Variants in ZNF850 observed in about 807,000 individuals in gnomAD.
The protein encoded by ZNF850 is zinc finger protein 850.
ZNF850 carries 2 observed loss-of-function variants against 11.9 expected under a neutral mutation model. The observed-to-expected ratio is 0.17, with a 90% CI of 0.07 to 0.53. ZNF850 has a LOEUF of 0.53. Ranked by LOEUF, ZNF850 falls within the 20% of genes least tolerant of loss-of-function variation. The probability of loss-of-function intolerance (pLI) is 0.94; values close to 1 mark genes in which losing one functional copy is unlikely to be tolerated. For missense variants in ZNF850, 1,014 were observed against 1,316.4 expected, an observed-to-expected ratio of 0.77 and a Z score of 3.55; for synonymous variants, 381 against 443.0, an observed-to-expected ratio of 0.86 and a Z score of 1.76.
intron 4 of ZNF850, among the ~76,000 whole-genome samples, chr19:36,758,722 G>C (rs1223633691): frequency 6.6e-6 from 1 of 152,142 alleles, no homozygotes; most frequent in Non-Finnish European, 1.5e-5. Flanking sequence ...TGTCTGAACT[G>C]AGTTGGATGA....
At chr19:36,755,687 C>T (rs2040481594) in intron 4 of ZNF850, among the ~76,000 whole-genome samples, 3 of 146,512 alleles carry the variant, frequency 2.0e-5, no homozygotes, top group Admixed American at 6.9e-5. Context: ...GAGAGCACTT[C>T]GCAATAAAAA....
At chr19:36,759,797 T>C (rs1256875841) in intron 4 of ZNF850, among the ~76,000 whole-genome samples, 1 of 152,206 alleles carries the variant, frequency 6.6e-6, no homozygotes, top group Non-Finnish European at 1.5e-5. Flanking sequence ...AAACGCTTTT[T>C]AAAATGGATA....
In ZNF850 at chr19:36,749,406, C is replaced by T. The variant is rs780089636; in HGVS notation, c.1634G>A (p.Arg545His). 68 of 1,547,302 alleles carry T rather than the reference C, an allele frequency of 4.4e-5. No homozygotes were observed. The South Asian group carries it at 5.1e-4, about 12-fold the overall frequency. Reference protein sequence around the residue: ...CKECGKSFTFRSGLIGHQAVH... With the variant: ...CKECGKSFTFHSGLIGHQAVH... ...TGCCTGATGTCCAATTAGCCCTGAG[C>T]GAAAAGTAAAAGATTTTCCACATTC... The change falls in exon 5 of 5, where the codon CGC becomes CAC. Residue 545 changes from arginine (R) to histidine (H), a missense_variant. Physicochemically the swap from Arg to His is conservative, Grantham distance 29. Coordinates refer to ENST00000591344, the MANE Select transcript of ZNF850 (RefSeq NM_001193552.2).
intron 4 of ZNF850, among the ~76,000 whole-genome samples, chr19:36,754,478 T>G (rs1223393586): frequency 6.6e-6 from 1 of 152,154 alleles, no homozygotes; most frequent in African/African-American, 2.4e-5. Flanking sequence ...TCCAGTAAAA[T>G]AAACTCTAAA....
At chr19:36,752,396 G>A (rs2040459080) in intron 4 of ZNF850, among the ~76,000 whole-genome samples, 1 of 152,154 alleles carries the variant, frequency 6.6e-6, no homozygotes, top group African/African-American at 2.4e-5. Flanking sequence ...AGGAACCATT[G>A]TGAAGAGGGT....
rs1219389440 is a variant in ZNF850 at position 36,749,403 on chromosome 19, G to T, written c.1637C>A (p.Ser546Ter). The change falls in exon 5 of 5, where the codon TCA (serine) becomes TAA (stop). Residue 546 changes from serine (S) to a stop codon, truncating the protein, a stop_gained. Coordinates refer to ENST00000591344, the MANE Select transcript of ZNF850 (RefSeq NM_001193552.2). LOFTEE classifies it low-confidence loss of function (END_TRUNC). Reference protein sequence around the residue: ...KECGKSFTFRSGLIGHQAVHT... With the variant: ...KECGKSFTFR Reference sequence around the variant, plus strand: ...AACTGCCTGATGTCCAATTAGCCCTGAGCGAAAAGTAAAAGATTTTCCACA... The same window carrying T: ...AACTGCCTGATGTCCAATTAGCCCTTAGCGAAAAGTAAAAGATTTTCCACA... The T allele has an allele frequency of 6.5e-7, 1 of 1,547,714 alleles. No homozygotes were observed. Among genetic ancestry groups the T allele is most frequent in the East Asian group, 2.4e-5 (1 of 41,356 alleles).
intron 4 of ZNF850, among the ~76,000 whole-genome samples, chr19:36,753,812 T>C (rs1382006537): frequency 6.6e-6 from 1 of 152,108 alleles, no homozygotes; most frequent in Non-Finnish European, 1.5e-5. Flanking sequence ...CCAAAAGTCA[T>C]AGAGGTATTA....
chr19:36,761,080 CTTTA>C (rs1289680968), intron 4 of ZNF850, among the ~76,000 whole-genome samples: 1 of 152,028 alleles, frequency 6.6e-6, no homozygotes, highest in Non-Finnish European at 1.5e-5. Context: ...AAGAAGGGAA[CTTTA>C]TTCTTTGAAA....
At position 36,750,753 on chromosome 19, in the gene ZNF850, T is replaced by C. The variant is rs867150185; in HGVS notation, c.287A>G (p.Tyr96Cys). The change falls in exon 5 of 5, where the codon TAT becomes TGT. Residue 96 changes from tyrosine (Y) to cysteine (C), a missense_variant. Transcript: ENST00000591344. ...CACCCACTGAGATGATGTTACTTCA[T>C]AGATTTCTTTTGGCAAACATGAATC... Reference protein sequence around the residue: ...TKDSCLPKEIYEVTSSQWVRM... With the variant: ...TKDSCLPKEICEVTSSQWVRM... 119 of 1,527,222 alleles carry C rather than the reference T, an allele frequency of 7.8e-5. No homozygotes were observed. Among genetic ancestry groups the C allele is most frequent in the African/African-American group, 3.7e-4 (27 of 72,586 alleles). 94.6% of individuals were successfully genotyped at this position (1,527,222 alleles called of 1,614,324 possible). A position where few individuals can be genotyped will look rare whatever the true frequency, so the allele number is the denominator to read the frequency against.
chr19:36,750,517 A>G lies in ZNF850; in HGVS notation c.523T>C (p.Cys175Arg), dbSNP rs1401602614. The change falls in exon 5 of 5, where the codon TGT becomes CGT. Residue 175 changes from cysteine to arginine, a missense_variant. Cys to Arg is a radical substitution (Grantham distance 180, BLOSUM62 -3). This residue lies in a region of ZNF850 where 835 missense variants were observed against 1,022.0 expected (regional missense o/e 0.82). Transcript: ENST00000591344. ...TCTGAGCCATACTTAAAAGCCATAC[A>G]TTCTGTGGATTTATACAGTTTCTCT... The part of the protein sequence containing the change: ...PGEKLYKSTE[C>R]MAFKYGSELT... 1 of 1,536,136 alleles carries G rather than the reference A, an allele frequency of 6.5e-7. No individual in the cohort carries two copies. The highest frequency in any genetic ancestry group is 1.4e-5 in the African/African-American group (1 of 73,072).
Position 36,750,201 on chromosome 19 carries a change from G to A in ZNF850, c.839C>T (p.Pro280Leu), listed in dbSNP as rs191869892. The A allele has an allele frequency of 4.0e-5, 61 of 1,539,072 alleles. No individual in the cohort carries two copies. In the East Asian group the frequency reaches 1.3e-3, roughly 33 times the overall value. Reference sequence around the variant, plus strand: ...TTTCCCACATTCTTTACATTCATAAGGTTTGTCACCAGTATGAATTCTCCA... The same window carrying A: ...TTTCCCACATTCTTTACATTCATAAAGTTTGTCACCAGTATGAATTCTCCA... ...QHWRIHTGDKPYECKECGKSF... is the reference protein window; with the variant it reads ...QHWRIHTGDKLYECKECGKSF... Residue 280 changes from proline to leucine, a missense_variant, in exon 5 of 5, where the codon CCT becomes CTT. Physicochemically the swap from Pro to Leu is moderately conservative, Grantham distance 98. Coordinates refer to ENST00000591344, the MANE Select transcript of ZNF850 (RefSeq NM_001193552.2).
At position 36,747,778 on chromosome 19, in the gene ZNF850, C is replaced by G; in HGVS notation, c.3262G>C (p.Asp1088His). 1.3e-6 allele frequency: 2 copies of G among 1,515,594 alleles called. No homozygotes were observed. Among genetic ancestry groups the G allele is most frequent in the African/African-American group, 1.4e-5 (1 of 72,104 alleles). 93.9% of individuals were successfully genotyped at this position (1,515,594 alleles called of 1,614,324 possible). A position where few individuals can be genotyped will look rare whatever the true frequency, so the allele number is the denominator to read the frequency against. The change falls in exon 5 of 5, where the codon GAC (aspartate) becomes CAC (histidine). Residue 1088 changes from aspartate (D) to histidine (H), a missense_variant. This residue lies in a region of ZNF850 where 179 missense variants were observed against 294.4 expected (regional missense o/e 0.61). Coordinates refer to ENST00000591344, the MANE Select transcript of ZNF850 (RefSeq NM_001193552.2). ...GTTTCCTACATTAATTATGTTAGGT[C>G]ATGAATTCTCTGATGTCGAGTAAGC... is the stretch of plus-strand genomic sequence containing the variant. ...TQLTRHQRIH[D>H]LT
intron 1 of ZNF850, among the ~76,000 whole-genome samples, chr19:36,765,780 C>G (rs1405774013): frequency 6.6e-6 from 1 of 151,930 alleles, no homozygotes; most frequent in Non-Finnish European, 1.5e-5. Context: ...GATGGGGTTT[C>G]TCCATGTTGG....
At chr19:36,771,685 T>G (rs1202194475) in intron 1 of ZNF850, among the ~76,000 whole-genome samples, 1 of 152,092 alleles carries the variant, frequency 6.6e-6, no homozygotes, top group South Asian at 2.1e-4. Context: ...GTCTAAAGCA[T>G]GTCCAAAAAA....
intron 1 of ZNF850, among the ~76,000 whole-genome samples, chr19:36,765,085 C>A (rs1187293219): frequency 6.6e-6 from 1 of 152,196 alleles, no homozygotes; most frequent in Non-Finnish European, 1.5e-5. Flanking sequence ...AGTAGCCCTG[C>A]TAGCAACATT....
chr19:36,766,290 C>T (rs1227818), intron 1 of ZNF850, among the ~76,000 whole-genome samples: 42,811 of 150,050 alleles, frequency 0.29, 6,323 homozygotes, highest in African/African-American at 0.39. Flanking sequence ...ATATATAATA[C>T]AATACTTTTT....
In ZNF850 at chr19:36,747,972, T is replaced by G; in HGVS notation, c.3068A>C (p.Gln1023Pro). The G allele has an allele frequency of 6.3e-7, 1 of 1,583,476 alleles. No homozygotes were observed. The highest frequency in any genetic ancestry group is 8.6e-7 in the Non-Finnish European group (1 of 1,167,578). The change falls in exon 5 of 5, where the codon CAA becomes CCA. Residue 1023 changes from glutamine (Q) to proline (P), a missense_variant. Physicochemically the swap from Gln to Pro is moderately conservative, Grantham distance 76. Around this residue, in one of 2 missense-constraint regions of ZNF850, gnomAD observed 179 missense variants for 294.4 expected, o/e 0.61. Coordinates refer to ENST00000591344, the MANE Select transcript of ZNF850 (RefSeq NM_001193552.2). Reference protein sequence around the residue: ...ECGKAFRCPSQLSQHKRIHTG... With the variant: ...ECGKAFRCPSPLSQHKRIHTG... Reference sequence around the variant, plus strand: ...ATGGATTCGTTTATGTTGACTAAGTTGTGAAGGACATCTAAAGGCCTTCCC... The same window carrying G: ...ATGGATTCGTTTATGTTGACTAAGTGGTGAAGGACATCTAAAGGCCTTCCC...
Position 36,750,282 on chromosome 19 carries a change from T to G in ZNF850, c.758A>C (p.His253Pro). The G allele has an allele frequency of 1.3e-6, 2 of 1,537,002 alleles. No individual in the cohort carries two copies. Among genetic ancestry groups the G allele is most frequent in the Non-Finnish European group, 1.7e-6 (2 of 1,146,912 alleles). ...GGCCTTCACGGATTCCTGACACTCA[T>G]GAGGTCTCTCATCTGTATACATTTT... is the stretch of plus-strand genomic sequence containing the variant. ...HQKMYTDERP[H>P]ECQESVKAFR... is the part of the protein sequence containing the mutation. The change falls in exon 5 of 5, where the codon CAT becomes CCT. Residue 253 changes from histidine to proline, a missense_variant. This residue lies in a region of ZNF850 where 835 missense variants were observed against 1,022.0 expected (regional missense o/e 0.82). Transcript: ENST00000591344.
Position 36,762,644 on chromosome 19 carries a change from A to G in ZNF850, c.-38T>C. ...TGCAGCCAGCAAACCTCCTTCATAGAATGGGACATTCCGAATATTCCATGG... is the reference window on the plus strand; with the variant it reads ...TGCAGCCAGCAAACCTCCTTCATAGGATGGGACATTCCGAATATTCCATGG... On this transcript the variant is annotated 5_prime_UTR_variant, in exon 2 of 5. Coordinates refer to ENST00000591344, the MANE Select transcript of ZNF850 (RefSeq NM_001193552.2). 1 of 1,526,894 alleles carries G rather than the reference A, an allele frequency of 6.5e-7. No homozygotes were observed. Among genetic ancestry groups the G allele is most frequent in the Non-Finnish European group, 8.8e-7 (1 of 1,138,444 alleles). 94.6% of individuals were successfully genotyped at this position (1,526,894 alleles called of 1,614,324 possible).
Sources: gnomAD v4.1 joint callset for allele counts (sites outside exome capture counted in the v4.1 genomes callset) on GRCh38, gnomAD v4.1.1 for gene constraint, gnomAD v4.1.1 regional missense constraint, MANE v1.5 for transcripts, NCBI Gene and HGNC (gene_info 2026-07-23, HGNC 2026-07-21) for gene names.